Variants in FOXN1 observed in about 807,000 individuals in gnomAD.
FOXN1 encodes the protein forkhead box protein N1.
A neutral mutation model predicts 49.0 loss-of-function variants in FOXN1; 15 were observed. That is an observed-to-expected ratio of 0.31 (90% confidence interval 0.20 to 0.47). FOXN1 has a LOEUF of 0.47. Ranked by LOEUF, FOXN1 falls within the 20% of genes least tolerant of loss-of-function variation. The pLI is 1.00. For missense variants in FOXN1, 800 were observed against 842.8 expected, an observed-to-expected ratio of 0.95 and a Z score of 0.63; for synonymous variants, 356 against 369.0, an observed-to-expected ratio of 0.96 and a Z score of 0.40.
chr17:28,524,649 C>A lies in FOXN1; in HGVS notation c.270C>A (p.Pro90=). ...GCCCAGCCGGCCCCGGCCCTGGGCC[C>A]TTCAGGCTCTCACCCTCAGACAAGT... is the stretch of plus-strand genomic sequence containing the variant. The part of the protein sequence containing the change: ...GHCPAGPGPG[P]FRLSPSDKYP... Residue 90 remains proline, a synonymous_variant, in exon 3 of 9, where the codon CCC becomes CCA. Coordinates refer to ENST00000579795, the MANE Select transcript of FOXN1 (RefSeq NM_001369369.1). 6.2e-7 allele frequency: 1 copy of A among 1,613,706 alleles called. No individual in the cohort carries two copies. Among genetic ancestry groups the A allele is most frequent in the Non-Finnish European group, 8.5e-7 (1 of 1,179,940 alleles).
intron 1 of FOXN1, among the ~76,000 whole-genome samples, chr17:28,517,575 T>G (rs2069547459): frequency 6.9e-6 from 1 of 145,718 alleles, no homozygotes; most frequent in Non-Finnish European, 1.5e-5. Flanking sequence ...CTCCACAGGA[T>G]CCATACCTCC....
At chr17:28,520,580 C>T (rs1005739965) in intron 1 of FOXN1, among the ~76,000 whole-genome samples, 68 of 152,244 alleles carry the variant, frequency 4.5e-4, no homozygotes, top group African/African-American at 9.9e-4. Flanking sequence ...ATCCTGTCCC[C>T]GGGGGATTGG....
intron 1 of FOXN1, among the ~76,000 whole-genome samples, chr17:28,521,089 C>T (rs1381124573): frequency 6.6e-6 from 1 of 152,242 alleles, no homozygotes; most frequent in African/African-American, 2.4e-5. Context: ...GCACCTCGTG[C>T]ACACCATCCT....
intron 1 of FOXN1, among the ~76,000 whole-genome samples, chr17:28,523,255 A>G (rs2069678096): frequency 6.6e-6 from 1 of 152,240 alleles, no homozygotes; most frequent in Non-Finnish European, 1.5e-5. Flanking sequence ...AGTTTGGAGG[A>G]CACAGGTGGA....
rs2069714459 is a variant in FOXN1, at chr17:28,524,407, T to C, written c.124-96T>C. 1.1e-5 allele frequency: 12 copies of C among 1,106,982 alleles called. No individual in the cohort carries two copies. The South Asian group carries it at 1.5e-4, about 14-fold the overall frequency. 68.6% of individuals were successfully genotyped at this position (1,106,982 alleles called of 1,614,324 possible). On this transcript the variant is annotated intron_variant, in intron 2 of 8. Transcript: ENST00000579795. ...TTAGGGTCTTCCCAGAGCTCAGCCA[T>C]AGACCCCCTTTACCCCAGAACAGAG...
In FOXN1 at chr17:28,524,701, G is replaced by A. The variant is rs774400145; in HGVS notation, c.322G>A (p.Ala108Thr). The A allele has an allele frequency of 2.2e-5, 35 of 1,612,502 alleles. No homozygotes were observed. The highest frequency in any genetic ancestry group is 1.0e-4 in the Admixed American group (6 of 59,778). ...KYPGFGFEEA[A>T]ASSPGRFLKG... Reference sequence around the variant, plus strand: ...TCCTGGCTTTGGCTTTGAGGAGGCCGCAGCAAGCAGCCCTGGGCGATTCCT... The same window carrying A: ...TCCTGGCTTTGGCTTTGAGGAGGCCACAGCAAGCAGCCCTGGGCGATTCCT... The change falls in exon 3 of 9, where the codon GCA becomes ACA. Residue 108 changes from alanine to threonine, a missense_variant. By Grantham distance (58) the Ala-to-Thr change is moderately conservative. Coordinates refer to ENST00000579795, the MANE Select transcript of FOXN1 (RefSeq NM_001369369.1).
At chr17:28,524,212 C>A in intron 2 of FOXN1, 120 bp downstream of exon 2, 1 of 1,068,068 alleles carries the variant, frequency 9.4e-7, no homozygotes. Flanking sequence ...TCCCCTCCAC[C>A]AGCAAACAAG....
rs1352494002 is a variant in FOXN1 at position 28,534,107 on chromosome 17, C to T, written c.928-224C>T. On this transcript the variant is annotated intron_variant, in intron 6 of 8. Coordinates refer to ENST00000579795, the MANE Select transcript of FOXN1 (RefSeq NM_001369369.1). This position sits in a 1 kb window ranked among gnomAD's most constrained non-coding sequence, Gnocchi z 4.1. ...GGAAGGGATGCGGGTGGGATGAAGG[C>T]AGATTTGAGATGAAAATAACTTGGG... Among the ~76,000 whole-genome samples, 2 of 152,164 alleles carry T rather than the reference C, an allele frequency of 1.3e-5. No individual in the cohort carries two copies. Among genetic ancestry groups the T allele is most frequent in the Non-Finnish European group, 2.9e-5 (2 of 68,026 alleles).
Position 28,535,781 on chromosome 17 carries a change from G to T in FOXN1, c.1627+583G>T, listed in dbSNP as rs113760759. Among the ~76,000 whole-genome samples, 1,423 of 152,310 alleles carry T rather than the reference G, an allele frequency of 9.3e-3. 25 individuals carry two copies. The highest frequency in any genetic ancestry group is 0.032 in the African/African-American group (1,347 of 41,570). On this transcript the variant is annotated intron_variant, in intron 8 of 8. Coordinates refer to ENST00000579795, the MANE Select transcript of FOXN1 (RefSeq NM_001369369.1). The stretch of plus-strand genomic sequence containing the variant: ...CAAAAAAACCACTCTCAGCTCTGGA[G>T]AGACTGCAAAGGGCTCCGTGTTCTA...
rs549791842 is a variant in FOXN1, at chr17:28,533,994, G to C, written c.928-337G>C. 2.0e-5 allele frequency among the ~76,000 whole-genome samples: 3 copies of C among 152,360 alleles called. No individual in the cohort carries two copies. In the South Asian group the frequency reaches 6.2e-4, roughly 32 times the overall value. On this transcript the variant is annotated intron_variant, in intron 6 of 8. Transcript: ENST00000579795. ...CCCAGTGGGGAGTGGCTCAGCTTCA[G>C]ATGGGAGAGTGTTGTGGGTCAGAAG...
intron 3 of FOXN1, among the ~76,000 whole-genome samples, 194 bp downstream of exon 3, chr17:28,525,161 G>A (rs1245785667): frequency 6.6e-6 from 1 of 152,108 alleles, no homozygotes; most frequent in African/African-American, 2.4e-5. Context: ...GGGCAAGTGG[G>A]GGAGGTAGGC....
intron 4 of FOXN1, among the ~76,000 whole-genome samples, chr17:28,527,730 C>T (rs995109694): frequency 2.6e-5 from 4 of 152,120 alleles, no homozygotes; most frequent in Admixed American, 1.3e-4. Flanking sequence ...CCGAGCAGGT[C>T]GAGGAACAAG....
intron 8 of FOXN1, among the ~76,000 whole-genome samples, chr17:28,535,756 C>CA (rs1191076721): frequency 6.6e-6 from 1 of 152,128 alleles, no homozygotes; most frequent in Non-Finnish European, 1.5e-5. Flanking sequence ...AACAAACAAA[C>CA]AAAAAAACCA....
chr17:28,523,375 G>A (rs1028144202), intron 1 of FOXN1, among the ~76,000 whole-genome samples: 1 of 152,208 alleles, frequency 6.6e-6, no homozygotes, highest in South Asian at 2.1e-4. Flanking sequence ...ACACACTGTG[G>A]TCACATCAGC....
chr17:28,527,025 C>A (rs751828240), intron 3 of FOXN1, among the ~76,000 whole-genome samples: 8 of 151,838 alleles, frequency 5.3e-5, no homozygotes, highest in Admixed American at 2.0e-4. Flanking sequence ...TCTCCCCTGC[C>A]GTGAGGGGAG....
At chr17:28,524,231 G>A in intron 2 of FOXN1, 139 bp downstream of exon 2, 1 of 891,230 alleles carries the variant, frequency 1.1e-6, no homozygotes, top group Non-Finnish European at 1.7e-6. Flanking sequence ...AGTCCTCAGG[G>A]ACCCCGAGAT....
At chr17:28,519,622 A>G (rs564323558) in intron 1 of FOXN1, among the ~76,000 whole-genome samples, 2 of 152,280 alleles carry the variant, frequency 1.3e-5, no homozygotes, top group African/African-American at 4.8e-5. Flanking sequence ...AACAGGCAGG[A>G]TAAAGGTTGG....
rs1362966618 is a variant in FOXN1 at position 28,523,984 on chromosome 17, C to G, written c.15C>G (p.Pro5=). 1 of 1,613,088 alleles carries G rather than the reference C, an allele frequency of 6.2e-7. No homozygotes were observed. The highest frequency in any genetic ancestry group is 1.3e-5 in the African/African-American group (1 of 74,880). MVSL[P]PPQSDVTLPG... ...AGGACTGGGTGATGGTGTCGCTACC[C>G]CCGCCGCAGTCTGACGTCACGCTGC... Residue 5 remains proline, a synonymous_variant, in exon 2 of 9, where the codon CCC becomes CCG. Transcript: ENST00000579795.
intron 8 of FOXN1, among the ~76,000 whole-genome samples, chr17:28,536,668 C>A (rs1044834429): frequency 6.6e-6 from 1 of 152,194 alleles, no homozygotes; most frequent in African/African-American, 2.4e-5. Context: ...ATTCCCTGGG[C>A]CCTGCAGTGG....
Sources: allele counts gnomAD v4.1 joint callset (sites outside exome capture counted in the v4.1 genomes callset), GRCh38; gene constraint gnomAD v4.1.1; non-coding constraint Gnocchi (gnomAD v3.1); transcripts MANE v1.5; gene names NCBI Gene and HGNC (gene_info 2026-07-23, HGNC 2026-07-21).